Variants in SYNE2 observed in about 807,000 individuals in gnomAD.
The protein encoded by SYNE2 is spectrin repeat containing nuclear envelope protein 2.
Under a neutral mutation model 856.3 loss-of-function variants are expected in SYNE2, and 431 were observed. The ratio of observed to expected loss-of-function variants is 0.50; its 90% confidence interval spans 0.47 to 0.55. The LOEUF (loss-of-function observed/expected upper bound fraction) is 0.55. Ranked by LOEUF, SYNE2 falls within the 20% of genes least tolerant of loss-of-function variation. The pLI is 0.00. For synonymous variants in SYNE2, 2,923 were observed against 2,872.3 expected (o/e 1.02, Z -0.56); for missense variants, 8,129 against 8,023.2 (o/e 1.01, Z -0.50).
chr14:64,214,702 A>G (rs887805478), intron 106 of SYNE2, among the ~76,000 whole-genome samples: 6 of 152,150 alleles, frequency 3.9e-5, no homozygotes, highest in African/African-American at 1.4e-4. Context: ...TTCAGACACT[A>G]AGGTTACTCA....
chr14:64,224,667 G>A (rs2098710257), intron 114 of SYNE2, 120 bp downstream of exon 114: 1 of 1,097,556 alleles, frequency 9.1e-7, no homozygotes, highest in Non-Finnish European at 1.4e-6. Flanking sequence ...GGTCTCTGCT[G>A]ACCCATAGAG....
chr14:64,040,612 A>ATG (rs2097141316), intron 45 of SYNE2, among the ~76,000 whole-genome samples: 2 of 147,130 alleles, frequency 1.4e-5, no homozygotes, highest in African/African-American at 2.5e-5. Context: ...ATATATATAT[A>ATG]TATGTATATA....
At chr14:63,804,354 A>G (rs1010394020) in intron 1 of SYNE2, among the ~76,000 whole-genome samples, 3 of 151,934 alleles carry the variant, frequency 2.0e-5, no homozygotes, top group Admixed American at 6.6e-5. Context: ...GCTGTGCAGA[A>G]GCTCTTTAGT....
rs2097511363 is a variant in SYNE2, at chr14:64,080,462, T to A, written c.11170T>A (p.Trp3724Arg). The A allele has an allele frequency of 6.2e-7, 1 of 1,614,168 alleles. No homozygotes were observed. Among genetic ancestry groups the A allele is most frequent in the South Asian group, 1.1e-5 (1 of 91,080 alleles). ...EKAQEIQKKM[W>R]DELDLWHSKL... ...TTACGATTTCCTTCTCCAGAAAATGTGGGACGAGTTAGATCTATGGCATTC... is the reference window on the plus strand; with the variant it reads ...TTACGATTTCCTTCTCCAGAAAATGAGGGACGAGTTAGATCTATGGCATTC... The change falls in exon 56 of 116, where the codon TGG becomes AGG. Residue 3724 changes from tryptophan (W) to arginine (R), a missense_variant. By Grantham distance (101) the Trp-to-Arg change is moderately radical. Transcript: ENST00000555002.
intron 1 of SYNE2, among the ~76,000 whole-genome samples, chr14:63,762,714 T>A (rs1886536032): frequency 6.6e-6 from 1 of 151,162 alleles, no homozygotes; most frequent in Non-Finnish European, 1.5e-5. Context: ...GGATTACAGA[T>A]GTGAGCTACC....
intron 73 of SYNE2, among the ~76,000 whole-genome samples, chr14:64,127,606 A>G (rs919559563): frequency 9.2e-5 from 14 of 152,160 alleles, no homozygotes; most frequent in African/African-American, 3.4e-4. Flanking sequence ...AGGAATGACA[A>G]TCCGTGTATG....
chr14:64,037,092 G>A (rs1352962429), intron 45 of SYNE2, among the ~76,000 whole-genome samples: 1 of 152,050 alleles, frequency 6.6e-6, no homozygotes, highest in Non-Finnish European at 1.5e-5. Flanking sequence ...AGAGCTCAGG[G>A]CTGGGTGTGG....
At chr14:64,201,578 A>T (rs993269545) in intron 99 of SYNE2, among the ~76,000 whole-genome samples, 1 of 152,176 alleles carries the variant, frequency 6.6e-6, no homozygotes, top group Non-Finnish European at 1.5e-5. Flanking sequence ...AGGGTAGGGC[A>T]GGGACTATTG....
intron 51 of SYNE2, among the ~76,000 whole-genome samples, chr14:64,066,288 C>T (rs1241344245): frequency 6.6e-6 from 1 of 151,966 alleles, no homozygotes; most frequent in Non-Finnish European, 1.5e-5. Context: ...TCGCTTGAGC[C>T]CAGGAGTTCT....
chr14:63,812,008 A>G (rs566769715), intron 1 of SYNE2, among the ~76,000 whole-genome samples: 1 of 152,300 alleles, frequency 6.6e-6, no homozygotes, highest in South Asian at 2.1e-4. Context: ...TTGTCTTGAT[A>G]AACATCTTAA....
At chr14:63,847,380 C>A (rs1890262412) in intron 1 of SYNE2, among the ~76,000 whole-genome samples, 2 of 151,702 alleles carry the variant, frequency 1.3e-5, no homozygotes, top group Admixed American at 1.3e-4. Context: ...TCACTTGAGC[C>A]CAGGAGGTCG....
intron 78 of SYNE2, among the ~76,000 whole-genome samples, chr14:64,137,196 GTTTGT>G (rs369391469): frequency 1.3e-4 from 20 of 152,028 alleles, no homozygotes; most frequent in South Asian, 6.2e-4. Flanking sequence ...TGGTTGGTTG[GTTTGT>G]TTTGTTTTGT....
chr14:63,771,594 G>A (rs1457556231), intron 1 of SYNE2, among the ~76,000 whole-genome samples: 3 of 152,118 alleles, frequency 2.0e-5, no homozygotes, highest in Non-Finnish European at 1.5e-5. Flanking sequence ...TAAAACTGTA[G>A]TGTATTAAAA....
intron 43 of SYNE2, among the ~76,000 whole-genome samples, 167 bp downstream of exon 43, chr14:64,027,960 G>T (rs1433978652): frequency 6.6e-6 from 1 of 152,022 alleles, no homozygotes; most frequent in Admixed American, 6.6e-5. Context: ...AGGCTGGAGT[G>T]CAGTGGCATG....
In SYNE2 at chr14:64,221,718, C is replaced by G; in HGVS notation, c.20190+14C>G. The G allele has an allele frequency of 6.2e-7, 1 of 1,613,504 alleles. No individual in the cohort carries two copies. The highest frequency in any genetic ancestry group is 8.5e-7 in the Non-Finnish European group (1 of 1,179,700). On this transcript the variant is annotated intron_variant, in intron 112 of 115. Transcript: ENST00000555002. ...AGGGAACTAATGGTAAGTTTCCTCC[C>G]AAGGGCTCTGTACTGCCACCAGCCT...
At chr14:63,908,150 G>A (rs1216014447) in intron 1 of SYNE2, among the ~76,000 whole-genome samples, 5 of 151,908 alleles carry the variant, frequency 3.3e-5, no homozygotes, top group African/African-American at 7.3e-5. Context: ...TTAGTTCCAC[G>A]CCGCCCCCTC....
intron 1 of SYNE2, among the ~76,000 whole-genome samples, chr14:63,813,926 G>A (rs763486650): frequency 1.2e-4 from 19 of 152,002 alleles, no homozygotes; most frequent in Non-Finnish European, 2.1e-4. Flanking sequence ...GTGGTGGCAC[G>A]TACCTGTAGT....
intron 1 of SYNE2, among the ~76,000 whole-genome samples, chr14:63,779,053 C>T (rs1230530176): frequency 6.6e-6 from 1 of 152,048 alleles, no homozygotes; most frequent in African/African-American, 2.4e-5. Flanking sequence ...GACGCAGTGG[C>T]TCAATCCTGT....
At chr14:63,938,283 C>T (rs773776188) in intron 2 of SYNE2, among the ~76,000 whole-genome samples, 22 of 151,976 alleles carry the variant, frequency 1.4e-4, no homozygotes, top group Non-Finnish European at 2.2e-4. Flanking sequence ...TGGTGACACC[C>T]ATCTCTACAA....
Sources: gnomAD v4.1 joint callset for allele counts (sites outside exome capture counted in the v4.1 genomes callset) on GRCh38, gnomAD v4.1.1 for gene constraint, MANE v1.5 for transcripts, NCBI Gene and HGNC (gene_info 2026-07-23, HGNC 2026-07-21) for gene names.